KCTD1: variants seen among roughly 807,000 people sequenced by gnomAD.
The protein encoded by KCTD1 is BTB/POZ domain-containing protein KCTD1.
A neutral mutation model predicts 66.0 loss-of-function variants in KCTD1; 24 were observed. The observed-to-expected ratio is 0.36, with a 90% confidence interval of 0.26 to 0.51. The LOEUF (loss-of-function observed/expected upper bound fraction) is 0.51, where lower values mean the gene tolerates loss of function less well. Among genes scored for constraint, KCTD1 ranks in the 20% least tolerant of loss-of-function variants. KCTD1 has a pLI of 0.95. For synonymous variants in KCTD1, 511 were observed against 517.2 expected (o/e 0.99, Z 0.16); for missense variants, 943 against 1,205.2 (o/e 0.78, Z 3.22).
At chr18:26,509,650 G>C (rs1983234117) in intron 1 of KCTD1, among the ~76,000 whole-genome samples, 1 of 152,126 alleles carries the variant, frequency 6.6e-6, no homozygotes, top group African/African-American at 2.4e-5. Flanking sequence ...GACAAAATTA[G>C]ATTGGAAAGT....
intron 1 of KCTD1, among the ~76,000 whole-genome samples, chr18:26,562,719 G>A (rs529602908): frequency 1.3e-5 from 2 of 152,292 alleles, no homozygotes; most frequent in South Asian, 4.1e-4. Flanking sequence ...CTGGAGGCTG[G>A]AAGTCCAAGA....
chr18:26,475,467 G>A (rs1361547497), intron 3 of KCTD1, among the ~76,000 whole-genome samples: 3 of 152,090 alleles, frequency 2.0e-5, no homozygotes, highest in Admixed American at 2.0e-4. Flanking sequence ...GCCTTTGCTT[G>A]TTTCTCGTTA....
upstream of KCTD1, among the ~76,000 whole-genome samples, chr18:26,641,296 G>T (rs572645147): frequency 3.3e-5 from 5 of 152,316 alleles, no homozygotes; most frequent in South Asian, 1.0e-3. Context: ...CGGTGCCTCA[G>T]AACCAGGTGC....
At chr18:26,588,841 A>T (rs1354566786) in intron 1 of KCTD1, among the ~76,000 whole-genome samples, 1 of 141,848 alleles carries the variant, frequency 7.0e-6, no homozygotes, top group Non-Finnish European at 1.6e-5. Flanking sequence ...CAAGGAGCAG[A>T]ACTCCTTTTT....
intron 1 of KCTD1, among the ~76,000 whole-genome samples, chr18:26,601,099 G>A (rs1182377350): frequency 6.6e-6 from 1 of 152,158 alleles, no homozygotes; most frequent in East Asian, 1.9e-4. Flanking sequence ...CCTACGCTTA[G>A]AATAGGGCCT....
At chr18:26,617,526 T>C (rs1202059182) in intron 1 of KCTD1, among the ~76,000 whole-genome samples, 1 of 152,244 alleles carries the variant, frequency 6.6e-6, no homozygotes, top group Non-Finnish European at 1.5e-5. Flanking sequence ...GGTACTATTA[T>C]TGAGCTGAAA....
intron 1 of KCTD1, among the ~76,000 whole-genome samples, chr18:26,651,110 GT>G (rs374076190): frequency 0.05 from 7,616 of 152,074 alleles, 246 homozygotes; most frequent in South Asian, 0.076. Context: ...CACTGTTTTT[GT>G]TTTTTTTCTT....
At chr18:26,502,328 G>A (rs761796303) in intron 1 of KCTD1, among the ~76,000 whole-genome samples, 1 of 152,078 alleles carries the variant, frequency 6.6e-6, no homozygotes, top group Non-Finnish European at 1.5e-5. Context: ...GGATTACAGG[G>A]GTGAGCCACC....
intron 1 of KCTD1, among the ~76,000 whole-genome samples, chr18:26,515,404 A>G (rs1983602390): frequency 6.6e-6 from 1 of 152,196 alleles, no homozygotes; most frequent in Non-Finnish European, 1.5e-5. Context: ...TTAGAAGCAA[A>G]ATATTCCAGG....
chr18:26,480,739 C>A (rs1271986338), intron 2 of KCTD1, among the ~76,000 whole-genome samples: 1 of 152,086 alleles, frequency 6.6e-6, no homozygotes, highest in African/African-American at 2.4e-5. Flanking sequence ...TGCACTCCAG[C>A]CTGGGCAACA....
chr18:26,628,762 G>T (rs1987556735), intron 1 of KCTD1, among the ~76,000 whole-genome samples: 1 of 152,120 alleles, frequency 6.6e-6, no homozygotes, highest in Non-Finnish European at 1.5e-5. Flanking sequence ...AGGGGTATGG[G>T]GTGGAGTTAT....
At chr18:26,495,997 G>A (rs1007344628) in intron 2 of KCTD1, among the ~76,000 whole-genome samples, 1 of 152,124 alleles carries the variant, frequency 6.6e-6, no homozygotes, top group Non-Finnish European at 1.5e-5. Context: ...AGCAGAAATT[G>A]AACGTATTTT....
chr18:26,493,243 C>G (rs1982298911), intron 2 of KCTD1, among the ~76,000 whole-genome samples: 2 of 152,282 alleles, frequency 1.3e-5, no homozygotes, highest in South Asian at 4.1e-4. Flanking sequence ...ATCAGAAGCT[C>G]TGGCAGGGGT....
At chr18:26,561,086 TTG>T (rs1405327922) in intron 1 of KCTD1, among the ~76,000 whole-genome samples, 1 of 152,208 alleles carries the variant, frequency 6.6e-6, no homozygotes, top group Non-Finnish European at 1.5e-5. Context: ...TAATGTAGGT[TTG>T]TAAGTGCTGA....
intron 1 of KCTD1, among the ~76,000 whole-genome samples, chr18:26,657,080 A>C (rs1388057342): frequency 1.3e-5 from 2 of 149,966 alleles, no homozygotes; most frequent in African/African-American, 4.9e-5. Flanking sequence ...TGCTGGCCGC[A>C]CCCGCTCCTC....
chr18:26,492,608 TA>T (rs1982263395), intron 2 of KCTD1, among the ~76,000 whole-genome samples: 2 of 45,900 alleles, frequency 4.4e-5, no homozygotes, highest in Admixed American at 2.1e-4. Flanking sequence ...ACTGTCTCAA[TA>T]AATAAATAAA....
intron 1 of KCTD1, among the ~76,000 whole-genome samples, chr18:26,556,456 T>C (rs1225689137): frequency 1.3e-5 from 2 of 152,226 alleles, no homozygotes; most frequent in Non-Finnish European, 2.9e-5. Flanking sequence ...ATTGCATCTG[T>C]TGTTTTACAA....
chr18:26,568,392 A>C (rs571170573), intron 1 of KCTD1, among the ~76,000 whole-genome samples: 1 of 151,896 alleles, frequency 6.6e-6, no homozygotes, highest in Admixed American at 6.6e-5. Context: ...ACGCACCACC[A>C]CACCCAGCTA....
chr18:26,555,086 T>A (rs1045294953), intron 1 of KCTD1, among the ~76,000 whole-genome samples: 10 of 152,324 alleles, frequency 6.6e-5, no homozygotes, highest in African/African-American at 2.4e-4. Flanking sequence ...GAAAAGGAGA[T>A]AAAGGTATGT....
Sources: gnomAD v4.1 joint callset for allele counts (sites outside exome capture counted in the v4.1 genomes callset) on GRCh38, gnomAD v4.1.1 for gene constraint, MANE v1.5 for transcripts, NCBI Gene and HGNC (gene_info 2026-07-23, HGNC 2026-07-21) for gene names.